Variants in VOPP1 observed in about 807,000 individuals in gnomAD.
VOPP1 encodes VOPP1 WW domain binding protein, also known as WW domain binding protein VOPP1.
In VOPP1, 8 loss-of-function variants were observed where a neutral mutation model predicts 23.5. The observed-to-expected ratio is 0.34, with a 90% CI of 0.20 to 0.61. The LOEUF (loss-of-function observed/expected upper bound fraction) is 0.61. Among genes scored for constraint, VOPP1 ranks in the 20% least tolerant of loss-of-function variants. The pLI is 0.78. For missense variants in VOPP1, 174 were observed against 238.1 expected (o/e 0.73, Z 1.77); for synonymous variants, 83 against 97.3 (o/e 0.85, Z 0.86).
At chr7:55,494,004 G>C (rs1325880541) in intron 3 of VOPP1, among the ~76,000 whole-genome samples, 1 of 152,268 alleles carries the variant, frequency 6.6e-6, no homozygotes, top group East Asian at 1.9e-4. Flanking sequence ...AAGCTGAAGG[G>C]GAAGAAGGGG....
At chr7:55,517,604 C>T (rs1795550057) in intron 2 of VOPP1, among the ~76,000 whole-genome samples, 1 of 152,180 alleles carries the variant, frequency 6.6e-6, no homozygotes, top group Non-Finnish European at 1.5e-5. Context: ...GCACTGCCTT[C>T]TCCACCAAGG....
intron 1 of VOPP1, among the ~76,000 whole-genome samples, chr7:55,565,280 T>C (rs1798128042): frequency 6.6e-6 from 1 of 152,186 alleles, no homozygotes. Context: ...TTCTAGACTC[T>C]CATTTGTTGG....
chr7:55,528,438 C>T (rs1186390437), intron 1 of VOPP1, among the ~76,000 whole-genome samples: 1 of 152,126 alleles, frequency 6.6e-6, no homozygotes, highest in African/African-American at 2.4e-5. Context: ...ATGCAGACCA[C>T]TTAGTACCCA....
rs148504292 is a variant in VOPP1, at chr7:55,554,932, G to A, written c.54+17339C>T. 3.2e-3 allele frequency among the ~76,000 whole-genome samples: 491 copies of A among 152,314 alleles called. 2 individuals carry two copies. The highest frequency in any genetic ancestry group is 0.024 in the Middle Eastern group (7 of 294). On this transcript the variant is annotated intron_variant, in intron 1 of 4. Coordinates refer to ENST00000285279, the MANE Select transcript of VOPP1 (RefSeq NM_030796.5). ...AAGCGCAGGAGACATCAGCATCTGA[G>A]GCTGAGATGAGGGTCTGGGAATGGA...
intron 4 of VOPP1, among the ~76,000 whole-genome samples, chr7:55,485,138 G>GT (rs1342394144): frequency 6.6e-6 from 1 of 152,098 alleles, no homozygotes; most frequent in Non-Finnish European, 1.5e-5. Context: ...TAGATCAAAG[G>GT]TAATTAATAA....
chr7:55,457,239 T>A (rs1488211789), intron 4 of VOPP1, among the ~76,000 whole-genome samples: 1 of 152,190 alleles, frequency 6.6e-6, no homozygotes, highest in Non-Finnish European at 1.5e-5. Context: ...CGAGTTCCAA[T>A]CCATGTTGCT....
chr7:55,514,224 TC>T (rs1222618583), intron 2 of VOPP1, among the ~76,000 whole-genome samples: 4 of 152,220 alleles, frequency 2.6e-5, no homozygotes, highest in Admixed American at 1.3e-4. Context: ...TTGTCGCTTG[TC>T]TCTGCTACAA....
chr7:55,565,019 T>C (rs1194711381), intron 1 of VOPP1, among the ~76,000 whole-genome samples: 1 of 152,260 alleles, frequency 6.6e-6, no homozygotes, highest in East Asian at 1.9e-4. Flanking sequence ...TATCTCTTTG[T>C]TCTGGTCTGA....
At chr7:55,547,456 G>A (rs527765666) in intron 1 of VOPP1, among the ~76,000 whole-genome samples, 4 of 148,856 alleles carry the variant, frequency 2.7e-5, no homozygotes, top group Non-Finnish European at 6.1e-5. Context: ...TAATTTAAAC[G>A]TAAGCCTCTG....
At chr7:55,521,868 T>C (rs1360306914) in intron 1 of VOPP1, 32 of 983,592 alleles carry the variant, frequency 3.3e-5, no homozygotes, top group South Asian at 1.4e-4. Flanking sequence ...GGGAGCTCTC[T>C]ATGCAGAGAT....
intron 4 of VOPP1, among the ~76,000 whole-genome samples, chr7:55,487,057 C>T (rs1163090457): frequency 2.0e-5 from 3 of 152,232 alleles, no homozygotes; most frequent in African/African-American, 4.8e-5. Flanking sequence ...AAAAGAATGA[C>T]GCTTATTCCA....
chr7:55,570,683 T>C (rs537403579), intron 1 of VOPP1, among the ~76,000 whole-genome samples: 125 of 152,256 alleles, frequency 8.2e-4, no homozygotes, highest in Non-Finnish European at 1.6e-3. Flanking sequence ...TGGCTCACCT[T>C]GTAATCCTAG....
chr7:55,500,655 A>G (rs767087927), intron 2 of VOPP1, among the ~76,000 whole-genome samples: 1 of 152,254 alleles, frequency 6.6e-6, no homozygotes, highest in Non-Finnish European at 1.5e-5. Flanking sequence ...CAAGAAGAAC[A>G]CAGCTTACAG....
chr7:55,543,333 C>T (rs1797221163), intron 1 of VOPP1, among the ~76,000 whole-genome samples: 1 of 152,214 alleles, frequency 6.6e-6, no homozygotes, highest in African/African-American at 2.4e-5. Flanking sequence ...TGGCTATTAA[C>T]AGTGCTGTAA....
At chr7:55,436,872 C>T (rs1330850702) in intron 4 of VOPP1, among the ~76,000 whole-genome samples, 1 of 152,082 alleles carries the variant, frequency 6.6e-6, no homozygotes, top group African/African-American at 2.4e-5. Context: ...AGGGAGCTTT[C>T]CCTGGTTCTG....
chr7:55,568,575 C>T (rs1366936030), intron 1 of VOPP1, among the ~76,000 whole-genome samples: 1 of 152,190 alleles, frequency 6.6e-6, no homozygotes, highest in Non-Finnish European at 1.5e-5. Flanking sequence ...CACTAAATAG[C>T]ATACTATACA....
intron 4 of VOPP1, among the ~76,000 whole-genome samples, chr7:55,453,374 G>C (rs1166958081): frequency 1.3e-5 from 2 of 152,192 alleles, no homozygotes; most frequent in African/African-American, 4.8e-5. Context: ...CTTTCAGCCT[G>C]TTTCAGCTTT....
intron 4 of VOPP1, among the ~76,000 whole-genome samples, chr7:55,451,543 G>A (rs1170473287): frequency 6.6e-6 from 1 of 152,200 alleles, no homozygotes; most frequent in African/African-American, 2.4e-5. Context: ...TGTAATCCCA[G>A]CACTTTGGGA....
At chr7:55,467,817 G>A (rs1791670363), downstream of VOPP1, among the ~76,000 whole-genome samples, 2 of 152,204 alleles carry the variant, frequency 1.3e-5, no homozygotes, top group South Asian at 2.1e-4. Context: ...GACGAGGGTC[G>A]TGAATGAGAT....
Sources: gnomAD v4.1 joint callset for allele counts (sites outside exome capture counted in the v4.1 genomes callset) on GRCh38, gnomAD v4.1.1 for gene constraint, MANE v1.5 for transcripts, NCBI Gene and HGNC (gene_info 2026-07-23, HGNC 2026-07-21) for gene names.